Variants in TTPA observed in about 807,000 individuals in gnomAD.
TTPA encodes the protein alpha-tocopherol transfer protein.
TTPA carries 23 observed loss-of-function variants against 25.9 expected under a neutral mutation model. The ratio of observed to expected loss-of-function variants is 0.89; its 90% CI spans 0.64 to 1.26. The LOEUF is 1.26. Ranked by LOEUF, TTPA falls within the 50% of genes most tolerant of loss-of-function variation. The pLI is 0.00. For synonymous variants in TTPA, 148 were observed against 137.3 expected (o/e 1.08, Z -0.54); for missense variants, 337 against 353.1 (o/e 0.95, Z 0.37).
At chr8:63,076,667 T>C (rs1488566841) in intron 1 of TTPA, among the ~76,000 whole-genome samples, 1 of 152,186 alleles carries the variant, frequency 6.6e-6, no homozygotes, top group South Asian at 2.1e-4. Flanking sequence ...TAAACATTAC[T>C]TTTTTTAAAG....
chr8:63,061,287 C>T lies in TTPA; in HGVS notation c.802G>A (p.Asp268Asn). 6.2e-7 allele frequency: 1 copy of T among 1,613,836 alleles called. No homozygotes were observed. Among genetic ancestry groups the T allele is most frequent in the African/African-American group, 1.3e-5 (1 of 75,038 alleles). The change falls in exon 5 of 5, where the codon GAT becomes AAT. Residue 268 changes from aspartate to asparagine, a missense_variant. Transcript: ENST00000260116. ...EWTNFIMKSE[D>N]YLSSISESIQ ...CTCTCAGAAATGCTGCTGAGATAAT[C>T]TTCAGACTTCATTATAAAATTTGTC...
chr8:63,070,976 T>G (rs1176503803), intron 2 of TTPA, among the ~76,000 whole-genome samples: 2 of 116,334 alleles, frequency 1.7e-5, no homozygotes, highest in Non-Finnish European at 3.4e-5. Context: ...AAAAAAACTG[T>G]TGTTTATCTG....
rs1308215225 is a variant in TTPA at position 63,060,432 on chromosome 8, T to A, written c.*820A>T. Reference sequence around the variant, plus strand: ...TAGACTCCTCAGCTGAAAGTTTCTATCACGGCCAGGCGCGATGGCTCACGA... The same window carrying A: ...TAGACTCCTCAGCTGAAAGTTTCTAACACGGCCAGGCGCGATGGCTCACGA... On this transcript the variant is annotated 3_prime_UTR_variant, in exon 5 of 5. Coordinates refer to ENST00000260116, the MANE Select transcript of TTPA (RefSeq NM_000370.3). 1 of 152,146 alleles carries A rather than the reference T, an allele frequency of 6.6e-6. No homozygotes were observed. Among genetic ancestry groups the A allele is most frequent in the East Asian group, 1.9e-4 (1 of 5,180 alleles). The allele number at this position is 152,146 out of a possible 1,614,324, so 9.4% of individuals were successfully genotyped here. A position where few individuals can be genotyped will look rare whatever the true frequency, so the allele number is the denominator to read the frequency against.
In TTPA at chr8:63,061,339, G is replaced by T. The variant is rs1805302882; in HGVS notation, c.750C>A (p.Phe250Leu). 7 of 1,613,874 alleles carry T rather than the reference G, an allele frequency of 4.3e-6. No homozygotes were observed. Among genetic ancestry groups the T allele is most frequent in the Non-Finnish European group, 5.9e-6 (7 of 1,179,882 alleles). Residue 250 changes from phenylalanine (F) to leucine (L), a missense_variant, in exon 5 of 5, where the codon TTC (phenylalanine) becomes TTA (leucine). Transcript: ENST00000260116. ...ILPLEYGGEE[F>L]SMEDICQEWT... ...ATTCCTGACAAATGTCCTCCATGGA[G>T]AATTCTTCACCACCATATTCCAGAG...
At chr8:63,063,498 T>G (rs564582148) in intron 4 of TTPA, among the ~76,000 whole-genome samples, 1 of 112,424 alleles carries the variant, frequency 8.9e-6, no homozygotes, top group Non-Finnish European at 1.7e-5. Flanking sequence ...ATGTTTATTT[T>G]TATTTGCATT....
rs775056952 is a variant in TTPA, at chr8:63,061,270, A to C, written c.819T>G (p.Ile273Met). 3.1e-6 allele frequency: 5 copies of C among 1,613,714 alleles called. 1 individual carries two copies. The South Asian group carries it at 5.5e-5, about 18-fold the overall frequency. The change falls in exon 5 of 5, where the codon ATT (isoleucine) becomes ATG (methionine). Residue 273 changes from isoleucine (I) to methionine (M), a missense_variant. By Grantham distance (10) the Ile-to-Met change is conservative (BLOSUM62 1). Coordinates refer to ENST00000260116, the MANE Select transcript of TTPA (RefSeq NM_000370.3). ...TAACTTCTCATTGAATGCTCTCAGAAATGCTGCTGAGATAATCTTCAGACT... is the reference window on the plus strand; with the variant it reads ...TAACTTCTCATTGAATGCTCTCAGACATGCTGCTGAGATAATCTTCAGACT... The part of the protein sequence containing the change: ...IMKSEDYLSS[I>M]SESIQ
chr8:63,078,709 T>C lies in TTPA; in HGVS notation c.205-5621A>G, dbSNP rs185720571. Among the ~76,000 whole-genome samples, 330 of 152,360 alleles carry C rather than the reference T, an allele frequency of 2.2e-3. 1 individual carries two copies. The highest frequency in any genetic ancestry group is 7.6e-3 in the African/African-American group (315 of 41,590). The stretch of plus-strand genomic sequence containing the variant: ...TATGTGAAAAGACCAAATCTACTTT[T>C]GATAGGTGTACCTGAAAGTGATGGG... On this transcript the variant is annotated intron_variant, in intron 1 of 4. Transcript: ENST00000260116.
chr8:63,061,505 T>C, intron 4 of TTPA, 80 bp from the exon 5 acceptor site: 3 of 1,213,376 alleles, frequency 2.5e-6, no homozygotes, highest in Admixed American at 1.8e-5. Flanking sequence ...AAACAAGGTA[T>C]TCTAATAACT....
chr8:63,080,817 A>T (rs1465198265), intron 1 of TTPA, among the ~76,000 whole-genome samples: 1 of 151,656 alleles, frequency 6.6e-6, no homozygotes, highest in African/African-American at 2.4e-5. Flanking sequence ...AGGGGATATC[A>T]CCACCGATCC....
At chr8:63,064,135 G>A (rs1805350634) in intron 4 of TTPA, 71 bp downstream of exon 4, 6 of 1,111,238 alleles carry the variant, frequency 5.4e-6, no homozygotes, top group South Asian at 4.0e-5. Context: ...AGATGATAAA[G>A]CAATCCTTAA....
At chr8:63,075,981 T>G (rs753057869) in intron 1 of TTPA, among the ~76,000 whole-genome samples, 1 of 152,202 alleles carries the variant, frequency 6.6e-6, no homozygotes. Context: ...CATGAGACTA[T>G]GTAGAACAGG....
intron 1 of TTPA, among the ~76,000 whole-genome samples, chr8:63,085,143 AGAT>A (rs1805727801): frequency 1.3e-5 from 2 of 152,238 alleles, no homozygotes; most frequent in East Asian, 1.9e-4. Flanking sequence ...ATTATTTAAC[AGAT>A]AAGGACACCA....
chr8:63,079,530 T>C (rs540304507), intron 1 of TTPA, among the ~76,000 whole-genome samples: 49 of 151,998 alleles, frequency 3.2e-4, no homozygotes, highest in African/African-American at 1.2e-3. Flanking sequence ...GCAATCCTAG[T>C]CTCTGATAAA....
rs36009249 is a variant in TTPA at position 63,069,291 on chromosome 8, TAA to T, written c.359-3196_359-3195del. Among the ~76,000 whole-genome samples, 830 of 143,164 alleles carry T rather than the reference TAA, an allele frequency of 5.8e-3. 8 individuals carry two copies. Among genetic ancestry groups the T allele is most frequent in the African/African-American group, 0.018 (723 of 39,082 alleles). The allele number at this position is 143,164 out of a possible 152,430, so 93.9% of individuals were successfully genotyped here. On this transcript the variant is annotated intron_variant, in intron 2 of 4. Transcript: ENST00000260116. Reference sequence around the variant, plus strand: ...GACATTGGCTGAATGCTATAATGATTAAAAAAAAAAAAAAGAACATATGAAGT... The same window carrying T: ...GACATTGGCTGAATGCTATAATGATTAAAAAAAAAAAAGAACATATGAAGT...
At chr8:63,080,553 C>G (rs2129781948) in intron 1 of TTPA, among the ~76,000 whole-genome samples, 1 of 151,958 alleles carries the variant, frequency 6.6e-6, no homozygotes, top group South Asian at 2.1e-4. Context: ...AACCCCGTCT[C>G]TACTAAAAAT....
rs1443752103 is a variant in TTPA at position 63,060,163 on chromosome 8, ATTG to A, written c.*1086_*1088del. 4 of 152,180 alleles carry A rather than the reference ATTG, an allele frequency of 2.6e-5. No individual in the cohort carries two copies. The highest frequency in any genetic ancestry group is 1.3e-4 in the Admixed American group (2 of 15,274). 9.4% of individuals were successfully genotyped at this position (152,180 alleles called of 1,614,324 possible). On this transcript the variant is annotated 3_prime_UTR_variant, in exon 5 of 5. Coordinates refer to ENST00000260116, the MANE Select transcript of TTPA (RefSeq NM_000370.3). ...TTCCTTTCCTTTGTGTAGTTACGTT[ATTG>A]TTAACTAAAAACAGTCCATGTATAA...
At chr8:63,085,683 G>T in intron 1 of TTPA, 135 bp downstream of exon 1, 1 of 1,036,764 alleles carries the variant, frequency 9.6e-7, no homozygotes, top group Non-Finnish European at 1.4e-6. Context: ...CACGCCGGGT[G>T]GTTAGGGGCG....
chr8:63,079,944 A>G (rs1322793986), intron 1 of TTPA, among the ~76,000 whole-genome samples: 1 of 152,234 alleles, frequency 6.6e-6, no homozygotes, highest in Admixed American at 6.5e-5. Flanking sequence ...AGCAAATGTA[A>G]AAGAAAAGAA....
intron 1 of TTPA, among the ~76,000 whole-genome samples, chr8:63,079,977 A>G (rs902463147): frequency 1.3e-5 from 2 of 152,238 alleles, no homozygotes; most frequent in African/African-American, 4.8e-5. Context: ...TGTCTCTCAG[A>G]CCACAGCGCA....
Sources: gnomAD v4.1 joint callset for allele counts (sites outside exome capture counted in the v4.1 genomes callset) on GRCh38, gnomAD v4.1.1 for gene constraint, MANE v1.5 for transcripts, NCBI Gene and HGNC (gene_info 2026-07-23, HGNC 2026-07-21) for gene names.